Variants in MAP3K1 observed in about 807,000 individuals in gnomAD.
The protein encoded by MAP3K1 is MAP/ERK kinase kinase 1.
Under a neutral mutation model 144.2 loss-of-function variants are expected in MAP3K1, and 36 were observed. The ratio of observed to expected loss-of-function variants is 0.25; its 90% CI spans 0.19 to 0.33. The LOEUF is 0.33. MAP3K1 is among the 10% of genes least tolerant of loss of function. The pLI is 1.00. For synonymous variants in MAP3K1, 718 were observed against 688.7 expected (o/e 1.04, Z -0.67); for missense variants, 1,650 against 1,881.9 (o/e 0.88, Z 2.28).
intron 6 of MAP3K1, among the ~76,000 whole-genome samples, chr5:56,866,225 C>A (rs1747666926): frequency 6.6e-6 from 1 of 152,082 alleles, no homozygotes; most frequent in Non-Finnish European, 1.5e-5. Context: ...CCAGCCTGGG[C>A]AACATAGGGA....
At chr5:56,874,812 A>T (rs1747971237) in intron 9 of MAP3K1, among the ~76,000 whole-genome samples, 1 of 152,204 alleles carries the variant, frequency 6.6e-6, no homozygotes, top group African/African-American at 2.4e-5. Flanking sequence ...TACCTGAGCT[A>T]ATAAATATTA....
At chr5:56,823,287 T>C (rs527956857) in intron 1 of MAP3K1, among the ~76,000 whole-genome samples, 1 of 152,260 alleles carries the variant, frequency 6.6e-6, no homozygotes, top group South Asian at 2.1e-4. Context: ...TTCCTCAGAC[T>C]CACTCACTGC....
intron 1 of MAP3K1, among the ~76,000 whole-genome samples, chr5:56,851,836 G>A (rs959785021): frequency 3.3e-5 from 5 of 152,166 alleles, no homozygotes; most frequent in Admixed American, 1.3e-4. Context: ...CAGACCCTTC[G>A]CTTCCCAGAA....
At chr5:56,879,873 C>G (rs75342435) in intron 11 of MAP3K1, among the ~76,000 whole-genome samples, 126 of 152,302 alleles carry the variant, frequency 8.3e-4, no homozygotes, top group Non-Finnish European at 1.3e-3. Flanking sequence ...CTTCTGTTGC[C>G]TCTTCCATTT....
At chr5:56,871,608 A>G (rs1219496046) in intron 6 of MAP3K1, among the ~76,000 whole-genome samples, 3 of 152,158 alleles carry the variant, frequency 2.0e-5, no homozygotes, top group Admixed American at 6.5e-5. Context: ...GGTCTATTCA[A>G]AAGGTACAGT....
In MAP3K1 at chr5:56,864,758, C is replaced by A. The variant is rs773132336; in HGVS notation, c.859C>A (p.Pro287Thr). 3 of 1,614,070 alleles carry A rather than the reference C, an allele frequency of 1.9e-6. No individual in the cohort carries two copies. The highest frequency in any genetic ancestry group is 2.5e-6 in the Non-Finnish European group (3 of 1,179,988). ...GTTTCAGAGTGGCAGAATCACACCA[C>A]CCCGAAGAGCCCCTTCACCAGATGG... ...VPFQSGRITP[P>T]RRAPSPDGFS... is the part of the protein sequence containing the mutation. The change falls in exon 4 of 20, where the codon CCC becomes ACC. Residue 287 changes from proline to threonine, a missense_variant. Transcript: ENST00000399503.
rs1438449467 is a variant in MAP3K1, at chr5:56,881,945, A to G, written c.2745A>G (p.Leu915=). The G allele has an allele frequency of 1.2e-6, 2 of 1,614,012 alleles. No homozygotes were observed. The highest frequency in any genetic ancestry group is 2.2e-5 in the East Asian group (1 of 44,890). ...TVHLEKTGKG[L]CATKLSASSE... is the part of the protein sequence containing the mutation. ...ATTTAGAGAAAACTGGAAAAGGATT[A>G]TGTGCTACAAAATTGAGTGCCAGTT... The change falls in exon 14 of 20, where the codon TTA becomes TTG. Residue 915 remains leucine, a synonymous_variant. Coordinates refer to ENST00000399503, the MANE Select transcript of MAP3K1 (RefSeq NM_005921.2).
Position 56,871,986 on chromosome 5 carries a change from G to A in MAP3K1, c.1378G>A (p.Glu460Lys). The A allele has an allele frequency of 6.2e-7, 1 of 1,613,982 alleles. No homozygotes were observed. The highest frequency in any genetic ancestry group is 8.5e-7 in the Non-Finnish European group (1 of 1,179,876). ...MLDEESLTVC[E>K]DGCRNKLHHH... ...TGATGAAGAAAGTCTTACAGTGTGTGAAGACGGCTGCAGGAACAAGCTGCA... is the reference window on the plus strand; with the variant it reads ...TGATGAAGAAAGTCTTACAGTGTGTAAAGACGGCTGCAGGAACAAGCTGCA... Residue 460 changes from glutamate to lysine, a missense_variant, in exon 7 of 20, where the codon GAA (glutamate) becomes AAA (lysine). Physicochemically the swap from Glu to Lys is moderately conservative, Grantham distance 56. Coordinates refer to ENST00000399503, the MANE Select transcript of MAP3K1 (RefSeq NM_005921.2).
intron 7 of MAP3K1, 24 bp from the exon 8 acceptor site, chr5:56,872,617 G>T: frequency 7.4e-7 from 1 of 1,353,980 alleles, no homozygotes; most frequent in Non-Finnish European, 1.1e-6. Flanking sequence ...ATTTTTGTAA[G>T]ATTTTGTTTC....
At chr5:56,887,626 A>G (rs1748416594) in intron 18 of MAP3K1, 106 bp downstream of exon 18, 2 of 1,198,744 alleles carry the variant, frequency 1.7e-6, no homozygotes, top group East Asian at 2.3e-5. Context: ...CTTACCAACT[A>G]GAAGTCCGTG....
intron 10 of MAP3K1, among the ~76,000 whole-genome samples, chr5:56,877,123 GT>G (rs1039800309): frequency 1.3e-5 from 2 of 152,172 alleles, no homozygotes; most frequent in African/African-American, 4.8e-5. Flanking sequence ...GCTACACCTT[GT>G]TTTTTCATGT....
In MAP3K1 at chr5:56,880,723, G is replaced by A. The variant is rs755658697; in HGVS notation, c.2100G>A (p.Gln700=). 6.2e-7 allele frequency: 1 copy of A among 1,613,276 alleles called. No homozygotes were observed. Among genetic ancestry groups the A allele is most frequent in the African/African-American group, 1.3e-5 (1 of 74,878 alleles). The part of the protein sequence containing the change: ...KCADANSRTS[Q]LSISTLLELC... ...CCTTTGTTTTTAGCCGCACAAGTCA[G>A]CTGTCCATATCAACACTGTTGGAAC... The change falls in exon 12 of 20, where the codon CAG becomes CAA. Residue 700 remains glutamine (Q), a synonymous_variant. Transcript: ENST00000399503.
intron 9 of MAP3K1, 21 bp downstream of exon 9, chr5:56,873,026 C>G: frequency 1.2e-6 from 2 of 1,602,662 alleles, no homozygotes; most frequent in Non-Finnish European, 1.7e-6. Context: ...CTTTGTTTTT[C>G]ATTTCTCAAA....
chr5:56,827,247 C>T (rs1347251293), intron 1 of MAP3K1, among the ~76,000 whole-genome samples: 1 of 152,118 alleles, frequency 6.6e-6, no homozygotes, highest in Non-Finnish European at 1.5e-5. Context: ...CTCTCTGCCT[C>T]GTATTGCCCC....
rs756858090 is a variant in MAP3K1 at position 56,864,798 on chromosome 5, G to A, written c.899G>A (p.Ser300Asn). 6.2e-7 allele frequency: 1 copy of A among 1,613,974 alleles called. No individual in the cohort carries two copies. Among genetic ancestry groups the A allele is most frequent in the Non-Finnish European group, 8.5e-7 (1 of 1,180,020 alleles). ...TCACCAGATGGCTTCTCACCATATA[G>A]CCCTGAGGAAACAAACCGCCGTGTT... The part of the protein sequence containing the change: ...APSPDGFSPY[S>N]PEETNRRVNK... Residue 300 changes from serine to asparagine, a missense_variant, in exon 4 of 20, where the codon AGC (serine) becomes AAC (asparagine). By Grantham distance (46) the Ser-to-Asn change is conservative. Coordinates refer to ENST00000399503, the MANE Select transcript of MAP3K1 (RefSeq NM_005921.2).
At chr5:56,816,308 C>T (rs1745965919) in intron 1 of MAP3K1, among the ~76,000 whole-genome samples, 1 of 152,028 alleles carries the variant, frequency 6.6e-6, no homozygotes, top group African/African-American at 2.4e-5. Flanking sequence ...GGCGTGCGAG[C>T]CTCTCTGCGG....
chr5:56,861,568 TAAAAAAAAAAA>T (rs869216404), intron 3 of MAP3K1, among the ~76,000 whole-genome samples: 9 of 114,194 alleles, frequency 7.9e-5, no homozygotes, highest in African/African-American at 3.1e-4. Context: ...GTGAGACTCC[TAAAAAAAAAAA>T]AAAAAAAAAA....
At chr5:56,841,027 C>T (rs780826366) in intron 1 of MAP3K1, among the ~76,000 whole-genome samples, 1 of 152,032 alleles carries the variant, frequency 6.6e-6, no homozygotes, top group Non-Finnish European at 1.5e-5. Flanking sequence ...AGGCATGCAC[C>T]ACCACGCCCA....
At chr5:56,886,092 G>T in intron 17 of MAP3K1, 29 bp downstream of exon 17, 2 of 1,590,916 alleles carry the variant, frequency 1.3e-6, no homozygotes, top group South Asian at 2.2e-5. Context: ...ATTATCTAGT[G>T]ACAATAAAAA....
Sources: allele counts gnomAD v4.1 joint callset (sites outside exome capture counted in the v4.1 genomes callset), GRCh38; gene constraint gnomAD v4.1.1; transcripts MANE v1.5; gene names NCBI Gene and HGNC (gene_info 2026-07-23, HGNC 2026-07-21).